PTPRD: variants seen among roughly 807,000 people sequenced by gnomAD.
PTPRD encodes protein tyrosine phosphatase receptor type D.
PTPRD carries 34 observed loss-of-function variants against 214.5 expected under a neutral mutation model. That is an observed-to-expected ratio of 0.16 (90% CI 0.12 to 0.21). The LOEUF (loss-of-function observed/expected upper bound fraction) is 0.21, where lower values mean the gene tolerates loss of function less well. Ranked by LOEUF, PTPRD falls within the 10% of genes least tolerant of loss-of-function variation. The probability of loss-of-function intolerance (pLI) is 1.00; values close to 1 mark genes in which losing one functional copy is unlikely to be tolerated. For missense variants in PTPRD, 2,545 were observed against 2,398.7 expected (o/e 1.06, Z -1.27); for synonymous variants, 1,128 against 845.7 (o/e 1.33, Z -5.79).
At chr9:10,103,395 T>TATATATATATACATATATATATATATATA (rs34926923) in intron 3 of PTPRD, among the ~76,000 whole-genome samples, 1 of 116,698 alleles carries the variant, frequency 8.6e-6, no homozygotes, top group East Asian at 3.0e-4. Context: ...ATATATATAT[T>TATATATATATACATATATATATATATATA]TATTTAAGAG....
intron 10 of PTPRD, among the ~76,000 whole-genome samples, chr9:9,082,174 G>C (rs2099760201): frequency 6.6e-6 from 1 of 151,500 alleles, no homozygotes; most frequent in Non-Finnish European, 1.5e-5. Context: ...AAAATTTCAG[G>C]CCACCCCAAT....
chr9:8,580,878 A>T (rs1285080212), intron 14 of PTPRD, among the ~76,000 whole-genome samples: 3 of 152,240 alleles, frequency 2.0e-5, no homozygotes, highest in Admixed American at 2.0e-4. Flanking sequence ...TGGAAGTAGG[A>T]AGCCAAACAG....
At chr9:8,835,863 T>C (rs2097408383) in intron 11 of PTPRD, among the ~76,000 whole-genome samples, 1 of 152,146 alleles carries the variant, frequency 6.6e-6, no homozygotes, top group Non-Finnish European at 1.5e-5. Flanking sequence ...ATACTCACCA[T>C]TATGGATTCA....
At chr9:8,775,027 G>C (rs184960356) in intron 11 of PTPRD, among the ~76,000 whole-genome samples, 1 of 152,102 alleles carries the variant, frequency 6.6e-6, no homozygotes, top group Non-Finnish European at 1.5e-5. Flanking sequence ...CGGGCGCCAT[G>C]GCCAAATAAT....
chr9:8,761,881 A>T (rs2094436784), intron 11 of PTPRD, among the ~76,000 whole-genome samples: 1 of 152,168 alleles, frequency 6.6e-6, no homozygotes, highest in Admixed American at 6.5e-5. Context: ...AGTGGCCTAC[A>T]TGTGGATACA....
intron 4 of PTPRD, among the ~76,000 whole-genome samples, chr9:9,958,330 G>T (rs1221764072): frequency 6.6e-6 from 1 of 152,166 alleles, no homozygotes; most frequent in Non-Finnish European, 1.5e-5. Flanking sequence ...AGGAGTTCAA[G>T]GCCAGCCTGA....
intron 9 of PTPRD, among the ~76,000 whole-genome samples, chr9:9,310,263 C>A (rs916116087): frequency 5.9e-5 from 9 of 152,018 alleles, no homozygotes; most frequent in Non-Finnish European, 1.3e-4. Context: ...TTAGCATGTG[C>A]CATAGTGGGG....
intron 8 of PTPRD, among the ~76,000 whole-genome samples, chr9:9,548,038 A>G (rs1471501185): frequency 6.6e-6 from 1 of 152,090 alleles, no homozygotes. Context: ...ACTGCTGTCC[A>G]ATATTTTTTA....
chr9:9,040,221 G>A (rs1350353337), intron 10 of PTPRD, among the ~76,000 whole-genome samples: 5 of 152,120 alleles, frequency 3.3e-5, no homozygotes, highest in African/African-American at 9.7e-5. Flanking sequence ...TAAGACCACA[G>A]TAATTTGTTA....
intron 2 of PTPRD, among the ~76,000 whole-genome samples, chr9:10,391,758 C>T (rs923527836): frequency 6.6e-6 from 1 of 151,746 alleles, no homozygotes; most frequent in Non-Finnish European, 1.5e-5. Flanking sequence ...ATATTTTACT[C>T]TCCTGTGCAC....
intron 10 of PTPRD, among the ~76,000 whole-genome samples, chr9:9,048,822 G>C (rs186319029): frequency 1.3e-5 from 2 of 152,026 alleles, no homozygotes; most frequent in Non-Finnish European, 2.9e-5. Context: ...TAATAGAATT[G>C]TTTGTAACAC....
intron 10 of PTPRD, among the ~76,000 whole-genome samples, chr9:9,121,471 C>T (rs756561715): frequency 9.9e-5 from 15 of 152,114 alleles, no homozygotes; most frequent in East Asian, 1.9e-4. Context: ...TATATATACA[C>T]GATAGAATAC....
chr9:9,931,775 G>C (rs573598046), intron 5 of PTPRD, among the ~76,000 whole-genome samples: 1 of 151,756 alleles, frequency 6.6e-6, no homozygotes, highest in Non-Finnish European at 1.5e-5. Flanking sequence ...CTGGGGGCAG[G>C]GCACAGACAA....
chr9:8,856,436 CA>C (rs1328607413), intron 11 of PTPRD, among the ~76,000 whole-genome samples: 3 of 152,154 alleles, frequency 2.0e-5, no homozygotes, highest in African/African-American at 7.2e-5. Context: ...GTAAATTTAA[CA>C]GCAAACCTAT....
At chr9:9,562,767 C>T (rs1388028038) in intron 8 of PTPRD, among the ~76,000 whole-genome samples, 1 of 152,020 alleles carries the variant, frequency 6.6e-6, no homozygotes, top group Non-Finnish European at 1.5e-5. Context: ...TATTTCTACC[C>T]ACCCCACATC....
intron 2 of PTPRD, among the ~76,000 whole-genome samples, chr9:10,553,906 A>C (rs1447095430): frequency 6.6e-6 from 1 of 152,194 alleles, no homozygotes; most frequent in Non-Finnish European, 1.5e-5. Context: ...AAGTATGCTA[A>C]AAATTTACAT....
chr9:9,768,736 T>C (rs2098726963), intron 5 of PTPRD, among the ~76,000 whole-genome samples: 1 of 152,178 alleles, frequency 6.6e-6, no homozygotes, highest in Admixed American at 6.5e-5. Context: ...AGAATCCAAT[T>C]GTCTAATAGC....
intron 21 of PTPRD, among the ~76,000 whole-genome samples, chr9:8,512,672 C>A (rs189360756): frequency 6.6e-6 from 1 of 151,936 alleles, no homozygotes; most frequent in East Asian, 1.9e-4. Context: ...ATATATAATT[C>A]TTTATCTTTT....
chr9:9,492,659 A>G (rs563030768), intron 8 of PTPRD, among the ~76,000 whole-genome samples: 2 of 152,158 alleles, frequency 1.3e-5, no homozygotes, highest in South Asian at 4.1e-4. Flanking sequence ...ATTCCAACAT[A>G]ATAAAAGTCA....
Sources: allele counts gnomAD v4.1 joint callset (sites outside exome capture counted in the v4.1 genomes callset), GRCh38; gene constraint gnomAD v4.1.1; transcripts MANE v1.5; gene names NCBI Gene and HGNC (gene_info 2026-07-23, HGNC 2026-07-21).